The following ARL17B variants were observed in gnomAD, a reference collection of about 807,000 sequenced individuals.
ARL17B encodes the protein ARF like GTPase 17B.
intron 4 of ARL17B, among the ~76,000 whole-genome samples, chr17:46,284,181 G>T (rs1235753739): frequency 6.6e-6 from 1 of 152,224 alleles, no homozygotes; most frequent in Non-Finnish European, 1.5e-5. Flanking sequence ...CAGGCTGGGG[G>T]ACGGTCAGGT....
chr17:46,317,141 G>T (rs1390738559), intron 3 of ARL17B, among the ~76,000 whole-genome samples: 2 of 87,810 alleles, frequency 2.3e-5, no homozygotes, highest in African/African-American at 3.0e-5. Flanking sequence ...CCTCCCAGAT[G>T]GGGTGGCGGC....
intron 4 of ARL17B, among the ~76,000 whole-genome samples, chr17:46,282,449 G>A (rs1243070682): frequency 6.7e-6 from 1 of 148,330 alleles, no homozygotes; most frequent in Non-Finnish European, 1.5e-5. Flanking sequence ...AGTTCTTGCT[G>A]TGTCACCCAG....
chr17:46,279,500 CTTTTT>C (rs369361891), intron 4 of ARL17B, among the ~76,000 whole-genome samples: 1 of 122,464 alleles, frequency 8.2e-6, no homozygotes, highest in Non-Finnish European at 1.6e-5. Context: ...TTCTTTCTTT[CTTTTT>C]TTTTTTTTTT....
chr17:46,285,241 C>CTTT (rs56201620), intron 4 of ARL17B, among the ~76,000 whole-genome samples: 3 of 138,422 alleles, frequency 2.2e-5, no homozygotes, highest in Non-Finnish European at 3.1e-5. Flanking sequence ...CTTTTCTTTC[C>CTTT]TTTTTTTTTT....
intron 3 of ARL17B, among the ~76,000 whole-genome samples, chr17:46,340,532 G>GT (rs1187929014): frequency 9.3e-5 from 6 of 64,522 alleles, no homozygotes; most frequent in Non-Finnish European, 2.3e-4. Context: ...GGGTTTTGGG[G>GT]TTTTTTTTGT....
intron 4 of ARL17B, among the ~76,000 whole-genome samples, chr17:46,279,824 T>C (rs2049711264): frequency 1.3e-5 from 2 of 152,228 alleles, no homozygotes; most frequent in Non-Finnish European, 2.9e-5. Context: ...CTTTTTGTTT[T>C]TAGTGGCGTT....
At chr17:46,275,291 AG>A in exon 5 of ARL17B, 1 of 632,928 alleles carries the variant, frequency 1.6e-6, no homozygotes, top group Non-Finnish European at 2.6e-6. Flanking sequence ...TTGTCAGGAT[AG>A]CCTCACTAAA....
chr17:46,340,195 G>T (rs2052472816), intron 3 of ARL17B, among the ~76,000 whole-genome samples: 1 of 92,128 alleles, frequency 1.1e-5, no homozygotes, highest in African/African-American at 3.1e-5. Flanking sequence ...GGAAATTCAG[G>T]AGTTTTGTTT....
At chr17:46,279,481 G>GC (rs995558146) in intron 4 of ARL17B, among the ~76,000 whole-genome samples, 1 of 149,886 alleles carries the variant, frequency 6.7e-6, no homozygotes, top group African/African-American at 2.5e-5. Context: ...ACCGCACCTG[G>GC]CCTTTTTTTT....
intron 4 of ARL17B, among the ~76,000 whole-genome samples, chr17:46,279,564 T>C (rs2143334948): frequency 6.7e-6 from 1 of 148,658 alleles, no homozygotes; most frequent in Middle Eastern, 3.6e-3. Context: ...TGTAGTTGCA[T>C]GAACATGGCT....
At chr17:46,291,226 G>T (rs778290478) in intron 4 of ARL17B, among the ~76,000 whole-genome samples, 1 of 152,242 alleles carries the variant, frequency 6.6e-6, no homozygotes, top group South Asian at 2.1e-4. Flanking sequence ...GGAGAACCAA[G>T]ATGGTATAGC....
At chr17:46,317,160 G>C (rs1266509775) in intron 3 of ARL17B, among the ~76,000 whole-genome samples, 1 of 90,198 alleles carries the variant, frequency 1.1e-5, no homozygotes, top group Non-Finnish European at 3.2e-5. Flanking sequence ...GCCGGGCAGA[G>C]GCGCTCCTCA....
chr17:46,292,935 C>T lies in ARL17B; in HGVS notation c.*21+6591G>A, dbSNP rs1207540882. ...ATGGAGCTATCCCTATATAGGTATA[C>T]CATTTTTATCTTTTTTTTTTTTTTT... On this transcript the variant is annotated intron_variant, in intron 4 of 4. Transcript: ENST00000570618. 4.0e-5 allele frequency: 2 copies of T among 49,962 alleles called. 1 individual carries two copies. Among genetic ancestry groups the T allele is most frequent in the Non-Finnish European group, 1.2e-4 (2 of 16,580 alleles). 3.1% of individuals were successfully genotyped at this position (49,962 alleles called of 1,614,324 possible). A position where few individuals can be genotyped will look rare whatever the true frequency, so the allele number is the denominator to read the frequency against.
chr17:46,280,379 C>A (rs1216864234), intron 4 of ARL17B, among the ~76,000 whole-genome samples: 1 of 151,586 alleles, frequency 6.6e-6, no homozygotes, highest in Non-Finnish European at 1.5e-5. Context: ...CACAAAACAA[C>A]AGAAAAATTT....
chr17:46,281,566 A>G (rs2049763618), intron 4 of ARL17B, among the ~76,000 whole-genome samples: 1 of 152,120 alleles, frequency 6.6e-6, no homozygotes, highest in South Asian at 2.1e-4. Flanking sequence ...AGTAGCTAGG[A>G]CTACAGGTGC....
intron 4 of ARL17B, among the ~76,000 whole-genome samples, chr17:46,277,673 G>C (rs2049629709): frequency 8.4e-6 from 1 of 119,094 alleles, no homozygotes; most frequent in African/African-American, 2.7e-5. Flanking sequence ...TTTTGAGACA[G>C]AGTCTTGCTG....
intron 4 of ARL17B, among the ~76,000 whole-genome samples, chr17:46,283,061 T>C (rs908882816): frequency 2.0e-5 from 3 of 152,046 alleles, no homozygotes; most frequent in Admixed American, 6.5e-5. Flanking sequence ...AGAGGTTGTA[T>C]TGAGGTGAGA....
intron 3 of ARL17B, among the ~76,000 whole-genome samples, chr17:46,323,770 A>C (rs2051536984): frequency 9.7e-6 from 1 of 103,598 alleles, no homozygotes; most frequent in African/African-American, 3.1e-5. Flanking sequence ...CTGGCCCTCC[A>C]TATCTGCAGG....
chr17:46,277,640 T>C (rs879334608), intron 4 of ARL17B, among the ~76,000 whole-genome samples: 14,221 of 143,466 alleles, frequency 0.099, 1 homozygote, highest in Middle Eastern at 0.15. Context: ...TCTTTTCTTT[T>C]CTTTCTTTCT....
Sources: allele counts gnomAD v4.1 joint callset (sites outside exome capture counted in the v4.1 genomes callset), GRCh38; gene constraint gnomAD v4.1.1; transcripts MANE v1.5; gene names NCBI Gene and HGNC (gene_info 2026-07-23, HGNC 2026-07-21).